Variants in LRP1B observed in about 807,000 individuals in gnomAD.
LRP1B encodes low-density lipoprotein receptor-related protein 1B.
Under a neutral mutation model 556.6 loss-of-function variants are expected in LRP1B, and 217 were observed. The observed-to-expected ratio is 0.39, with a 90% CI of 0.35 to 0.44. The LOEUF is 0.44. LRP1B is among the 20% of genes least tolerant of loss of function. The pLI is 1.00. For missense variants in LRP1B, 5,053 were observed against 5,620.8 expected (o/e 0.90, Z 3.23); for synonymous variants, 2,047 against 1,865.8 (o/e 1.10, Z -2.50).
At chr2:141,135,972 G>C (rs1330013863) in intron 7 of LRP1B, among the ~76,000 whole-genome samples, 1 of 151,818 alleles carries the variant, frequency 6.6e-6, no homozygotes, top group Non-Finnish European at 1.5e-5. Flanking sequence ...AATTATGTTT[G>C]CATGATTCAA....
At chr2:141,015,299 ACTC>A (rs1171368907) in intron 13 of LRP1B, among the ~76,000 whole-genome samples, 1 of 152,104 alleles carries the variant, frequency 6.6e-6, no homozygotes, top group Non-Finnish European at 1.5e-5. Context: ...CAAGTTACTT[ACTC>A]AACTAAATAC....
chr2:140,535,474 GAGA>G (rs1427057031), intron 46 of LRP1B, among the ~76,000 whole-genome samples: 9 of 152,100 alleles, frequency 5.9e-5, no homozygotes, highest in African/African-American at 1.9e-4. Context: ...GTAAAAGAGT[GAGA>G]AGATGTCTGT....
At chr2:140,551,499 G>A (rs1680546724) in intron 43 of LRP1B, among the ~76,000 whole-genome samples, 1 of 152,156 alleles carries the variant, frequency 6.6e-6, no homozygotes, top group Non-Finnish European at 1.5e-5. Context: ...GATGAGAAAG[G>A]CAGGAAGGGC....
rs1305415579 is a variant in LRP1B at position 142,130,927 on chromosome 2, G to A, written c.-198C>T. 2 of 620,472 alleles carry A rather than the reference G, an allele frequency of 3.2e-6. No homozygotes were observed. Among genetic ancestry groups the A allele is most frequent in the African/African-American group, 3.7e-5 (2 of 54,168 alleles). The allele number at this position is 620,472 out of a possible 1,614,324, so 38.4% of individuals were successfully genotyped here. ...TGGAGCAGGATGTGGAAGGTGGAGG[G>A]ATGCGCGCGTGCGGGAGAGAGGAGG... On this transcript the variant is annotated 5_prime_UTR_variant, in exon 1 of 91. Transcript: ENST00000389484.
rs185997537 is a variant in LRP1B at position 142,115,592 on chromosome 2, T to A, written c.82+15056A>T. ...ATATATTATATATGTAATATATATATTATATATGTAATATATATTATATAT... is the reference window on the plus strand; with the variant it reads ...ATATATTATATATGTAATATATATAATATATATGTAATATATATTATATAT... On this transcript the variant is annotated intron_variant, in intron 1 of 90. Coordinates refer to ENST00000389484, the MANE Select transcript of LRP1B (RefSeq NM_018557.3). Among the ~76,000 whole-genome samples, 15 of 20,638 alleles carry A rather than the reference T, an allele frequency of 7.3e-4. 3 individuals carry two copies. The highest frequency in any genetic ancestry group is 5.5e-3 in the East Asian group (2 of 362). The allele number at this position is 20,638 out of a possible 152,430, so 13.5% of individuals were successfully genotyped here.
chr2:140,733,833 T>C (rs1371781756), intron 35 of LRP1B, among the ~76,000 whole-genome samples: 2 of 152,324 alleles, frequency 1.3e-5, no homozygotes, highest in East Asian at 1.9e-4. Flanking sequence ...GGATAAATTA[T>C]ATCTCAATAC....
chr2:141,810,155 A>G lies in LRP1B; in HGVS notation c.205+124T>C, dbSNP rs1031501107. 8.7e-6 allele frequency: 4 copies of G among 457,154 alleles called. No homozygotes were observed. The African/African-American group carries it at 2.0e-4, about 23-fold the overall frequency. The allele number at this position is 457,154 out of a possible 1,614,324, so 28.3% of individuals were successfully genotyped here. A position where few individuals can be genotyped will look rare whatever the true frequency, so the allele number is the denominator to read the frequency against. On this transcript the variant is annotated intron_variant, in intron 2 of 90. Coordinates refer to ENST00000389484, the MANE Select transcript of LRP1B (RefSeq NM_018557.3). ...AAAGAAAGAAAGAAAGAAAGAAAGA[A>G]AGAAAGAAAGAAGGAAAGAAAGAAA... is the stretch of plus-strand genomic sequence containing the variant.
intron 29 of LRP1B, among the ~76,000 whole-genome samples, chr2:140,846,872 T>G (rs183903716): frequency 7.2e-5 from 11 of 152,318 alleles, no homozygotes; most frequent in Admixed American, 6.5e-4. Flanking sequence ...GTTCAGATGC[T>G]AAACTGTCAA....
chr2:140,918,186 TTGTG>T (rs61561343), intron 21 of LRP1B, among the ~76,000 whole-genome samples: 28,921 of 147,232 alleles, frequency 0.2, 2,888 homozygotes, highest in Admixed American at 0.21. Flanking sequence ...GATTTCTATT[TTGTG>T]TGTGTGTGTG....
intron 33 of LRP1B, among the ~76,000 whole-genome samples, chr2:140,772,417 C>A (rs1003780290): frequency 6.6e-6 from 1 of 152,110 alleles, no homozygotes; most frequent in African/African-American, 2.4e-5. Flanking sequence ...TCAAGCAATT[C>A]TCCTGCCTCA....
At chr2:141,822,094 C>G (rs1445971851) in intron 1 of LRP1B, among the ~76,000 whole-genome samples, 1 of 51,318 alleles carries the variant, frequency 1.9e-5, no homozygotes, top group Non-Finnish European at 4.1e-5. Context: ...AAAATACATA[C>G]ACACACACAC....
At chr2:140,262,065 T>G (rs1161612987) in intron 86 of LRP1B, among the ~76,000 whole-genome samples, 1 of 151,872 alleles carries the variant, frequency 6.6e-6, no homozygotes, top group Non-Finnish European at 1.5e-5. Context: ...GAAGAATTAC[T>G]ATTAAAAAAA....
intron 20 of LRP1B, among the ~76,000 whole-genome samples, chr2:140,949,209 G>A (rs1464932589): frequency 6.6e-6 from 1 of 152,024 alleles, no homozygotes; most frequent in Admixed American, 6.6e-5. Flanking sequence ...TTATTCTTTA[G>A]TCCTCAATAA....
intron 2 of LRP1B, among the ~76,000 whole-genome samples, chr2:141,719,506 T>C (rs1407081765): frequency 6.6e-6 from 1 of 152,128 alleles, no homozygotes; most frequent in African/African-American, 2.4e-5. Context: ...AAAAGGTTAA[T>C]GAGAACTATA....
chr2:141,410,361 G>T (rs945029928), intron 3 of LRP1B, among the ~76,000 whole-genome samples: 2 of 151,996 alleles, frequency 1.3e-5, no homozygotes, highest in East Asian at 3.9e-4. Flanking sequence ...TAGAAAATAT[G>T]CTGATTAAAC....
At chr2:140,945,189 C>T (rs1210606464) in intron 20 of LRP1B, among the ~76,000 whole-genome samples, 1 of 151,888 alleles carries the variant, frequency 6.6e-6, no homozygotes, top group Non-Finnish European at 1.5e-5. Flanking sequence ...TACATCTAAC[C>T]AAGAAGATGC....
rs184185040 is a variant in LRP1B at position 140,366,583 on chromosome 2, A to G, written c.11009-1800T>C. Among the ~76,000 whole-genome samples, 392 of 151,900 alleles carry G rather than the reference A, an allele frequency of 2.6e-3. 2 individuals carry two copies. Among genetic ancestry groups the G allele is most frequent in the Non-Finnish European group, 2.1e-3 (141 of 67,830 alleles). ...ATTGGGTAGGTAAAGACGAGTCTAC[A>G]AAAGAGACTGAGAAAAAGTAATCAA... On this transcript the variant is annotated intron_variant, in intron 71 of 90. Transcript: ENST00000389484.
chr2:141,504,944 T>C (rs1388376142), intron 2 of LRP1B, among the ~76,000 whole-genome samples: 1 of 152,144 alleles, frequency 6.6e-6, no homozygotes, highest in African/African-American at 2.4e-5. Flanking sequence ...ATGGCTAACA[T>C]ATTTGAAAGA....
At chr2:140,926,575 T>C (rs944211047) in intron 20 of LRP1B, among the ~76,000 whole-genome samples, 2 of 152,080 alleles carry the variant, frequency 1.3e-5, no homozygotes, top group African/African-American at 2.4e-5. Flanking sequence ...ACTCCTGGCC[T>C]CAAGAGATTC....
Sources: gnomAD v4.1 joint callset for allele counts (sites outside exome capture counted in the v4.1 genomes callset) on GRCh38, gnomAD v4.1.1 for gene constraint, MANE v1.5 for transcripts, NCBI Gene and HGNC (gene_info 2026-07-23, HGNC 2026-07-21) for gene names.